The following ATP8A2 variants were observed in gnomAD, a reference collection of about 807,000 sequenced individuals.
ATP8A2 encodes the protein phospholipid-transporting ATPase IB.
In ATP8A2, 100 loss-of-function variants were observed where a neutral mutation model predicts 165.6. That is an observed-to-expected ratio of 0.60 (90% CI 0.51 to 0.71). The LOEUF is 0.71. Among genes scored for constraint, ATP8A2 ranks in the 30% least tolerant of loss-of-function variants. ATP8A2 has a pLI of 0.00. For missense variants in ATP8A2, 1,227 were observed against 1,479.5 expected, an observed-to-expected ratio of 0.83 and a Z score of 2.80; for synonymous variants, 543 against 548.8, an observed-to-expected ratio of 0.99 and a Z score of 0.15.
intron 35 of ATP8A2, among the ~76,000 whole-genome samples, chr13:25,978,880 G>C (rs1191077238): frequency 1.3e-5 from 2 of 152,060 alleles, no homozygotes; most frequent in African/African-American, 2.4e-5. Flanking sequence ...GCGGAGCTTG[G>C]AGTGAGCCGA....
intron 24 of ATP8A2, among the ~76,000 whole-genome samples, chr13:25,605,909 T>A (rs1488809396): frequency 2.0e-5 from 3 of 152,186 alleles, no homozygotes; most frequent in Non-Finnish European, 2.9e-5. Flanking sequence ...GAAATATGCC[T>A]TCTTGAGTGG....
chr13:25,386,203 A>C (rs943119326), intron 1 of ATP8A2, among the ~76,000 whole-genome samples: 5 of 152,062 alleles, frequency 3.3e-5, no homozygotes, highest in African/African-American at 9.7e-5. Flanking sequence ...GGTGTGAGCC[A>C]CCTCTCCTGG....
intron 27 of ATP8A2, among the ~76,000 whole-genome samples, chr13:25,799,932 A>G (rs1950586847): frequency 6.6e-6 from 1 of 152,264 alleles, no homozygotes; most frequent in Admixed American, 6.5e-5. Context: ...CATATTTCCT[A>G]AAGGAGGTTA....
intron 30 of ATP8A2, among the ~76,000 whole-genome samples, chr13:25,858,260 G>C (rs1199301257): frequency 6.6e-6 from 1 of 152,128 alleles, no homozygotes; most frequent in African/African-American, 2.4e-5. Flanking sequence ...TTGCCTTCTT[G>C]GGATTAATTC....
chr13:25,972,254 T>C (rs1955933554), intron 35 of ATP8A2, among the ~76,000 whole-genome samples: 1 of 152,212 alleles, frequency 6.6e-6, no homozygotes, highest in African/African-American at 2.4e-5. Flanking sequence ...CCTCATACTT[T>C]TATACTATTT....
rs192049561 is a variant in ATP8A2, at chr13:25,535,675, C to T, written c.508-2313C>T. On this transcript the variant is annotated intron_variant, in intron 6 of 36. Coordinates refer to ENST00000381655, the MANE Select transcript of ATP8A2 (RefSeq NM_016529.6). ...CAAAAAAATACAGAAATCAGCTGGGCGTGGTGGTGCGTGTCTGTAATCCCA... is the reference window on the plus strand; with the variant it reads ...CAAAAAAATACAGAAATCAGCTGGGTGTGGTGGTGCGTGTCTGTAATCCCA... Among the ~76,000 whole-genome samples, 192 of 152,046 alleles carry T rather than the reference C, an allele frequency of 1.3e-3. 1 individual carries two copies. Among genetic ancestry groups the T allele is most frequent in the African/African-American group, 4.3e-3 (180 of 41,486 alleles).
At chr13:25,450,721 C>T (rs777201968) in intron 1 of ATP8A2, among the ~76,000 whole-genome samples, 7 of 152,004 alleles carry the variant, frequency 4.6e-5, no homozygotes, top group African/African-American at 1.2e-4. Flanking sequence ...TTAATAGAGA[C>T]GGGGTTTCAC....
At position 25,564,061 on chromosome 13, in the gene ATP8A2, C is replaced by A. The variant is rs549886485; in HGVS notation, c.1473+30C>A. The A allele has an allele frequency of 1.1e-5, 16 of 1,502,860 alleles. No individual in the cohort carries two copies. The Admixed American group carries it at 1.5e-4, about 14-fold the overall frequency. 93.1% of individuals were successfully genotyped at this position (1,502,860 alleles called of 1,614,324 possible). ...GTGCTCTGTTTTACTTCGAAGACAG[C>A]AAACAGCTTACGGTGCAACTTTCTT... On this transcript the variant is annotated intron_variant, in intron 16 of 36. Coordinates refer to ENST00000381655, the MANE Select transcript of ATP8A2 (RefSeq NM_016529.6).
At chr13:25,542,089 T>A (rs955501583) in intron 9 of ATP8A2, 43 bp downstream of exon 9, 27 of 1,569,764 alleles carry the variant, frequency 1.7e-5, no homozygotes, top group Non-Finnish European at 2.4e-5. Flanking sequence ...ACTATGTGAC[T>A]AAGAATTACT....
intron 1 of ATP8A2, among the ~76,000 whole-genome samples, chr13:25,381,698 G>C (rs1466788430): frequency 6.6e-6 from 1 of 152,174 alleles, no homozygotes; most frequent in Non-Finnish European, 1.5e-5. Flanking sequence ...CATATGATGA[G>C]AGCTGTGTTG....
At chr13:25,393,421 ATTG>A (rs1324935361) in intron 1 of ATP8A2, among the ~76,000 whole-genome samples, 4 of 149,238 alleles carry the variant, frequency 2.7e-5, no homozygotes, top group Admixed American at 6.7e-5. Context: ...TACTTTTTTT[ATTG>A]TTGTTTTTTG....
intron 1 of ATP8A2, among the ~76,000 whole-genome samples, chr13:25,428,456 C>G (rs1384743038): frequency 6.6e-6 from 1 of 152,142 alleles, no homozygotes; most frequent in African/African-American, 2.4e-5. Context: ...AGATCTTAGT[C>G]TATTGTGGGA....
At chr13:25,861,636 T>C (rs2031586) in intron 32 of ATP8A2, among the ~76,000 whole-genome samples, 142,956 of 152,244 alleles carry the variant, frequency 0.94, 67,504 homozygotes, top group Non-Finnish European at 0.99. Flanking sequence ...ATGATGACTT[T>C]GCTTACGATG....
intron 26 of ATP8A2, among the ~76,000 whole-genome samples, chr13:25,772,093 A>C (rs1048058010): frequency 6.6e-6 from 1 of 152,158 alleles, no homozygotes; most frequent in Non-Finnish European, 1.5e-5. Flanking sequence ...TTTTATGCAC[A>C]TGGGCAGCCC....
intron 1 of ATP8A2, among the ~76,000 whole-genome samples, chr13:25,446,929 C>T (rs145983876): frequency 4.0e-4 from 61 of 152,242 alleles, no homozygotes; most frequent in Admixed American, 2.2e-3. Context: ...AACCATGGCT[C>T]ACTGCACCGT....
At chr13:25,583,622 A>G (rs1408189128) in intron 23 of ATP8A2, among the ~76,000 whole-genome samples, 1 of 152,104 alleles carries the variant, frequency 6.6e-6, no homozygotes, top group Admixed American at 6.5e-5. Flanking sequence ...GTGTGTGTTC[A>G]TTTTATTATA....
At chr13:25,550,878 A>G (rs1421306175) in intron 10 of ATP8A2, among the ~76,000 whole-genome samples, 1 of 152,160 alleles carries the variant, frequency 6.6e-6, no homozygotes, top group Non-Finnish European at 1.5e-5. Flanking sequence ...CTCCGGGAGG[A>G]AAAATATGTG....
At chr13:25,900,427 A>T (rs572560645) in intron 33 of ATP8A2, among the ~76,000 whole-genome samples, 8 of 152,162 alleles carry the variant, frequency 5.3e-5, no homozygotes, top group African/African-American at 1.9e-4. Flanking sequence ...AGTGTTTACG[A>T]AGGGATGTGT....
chr13:25,573,875 G>A lies in ATP8A2; in HGVS notation c.1663-933G>A, dbSNP rs577825929. Among the ~76,000 whole-genome samples, 9 of 152,338 alleles carry A rather than the reference G, an allele frequency of 5.9e-5. No individual in the cohort carries two copies. The South Asian group carries it at 1.9e-3, about 32-fold the overall frequency. The stretch of plus-strand genomic sequence containing the variant: ...GTTGTTTTGTAGGATGCAAAGAGAA[G>A]GAGTGGAGAGTTGTGGGTGTGAATG... On this transcript the variant is annotated intron_variant, in intron 18 of 36. Transcript: ENST00000381655.
Sources: allele counts gnomAD v4.1 joint callset (sites outside exome capture counted in the v4.1 genomes callset), GRCh38; gene constraint gnomAD v4.1.1; transcripts MANE v1.5; gene names NCBI Gene and HGNC (gene_info 2026-07-23, HGNC 2026-07-21).